TMEM272: variants seen among roughly 807,000 people sequenced by gnomAD.
TMEM272 encodes long intergenic non-protein coding RNA 282.
In TMEM272, 8 loss-of-function variants were observed where a neutral mutation model predicts 3.7. The ratio of observed to expected loss-of-function variants is 2.17; its 90% CI spans 1.27 to 3.91. The LOEUF (loss-of-function observed/expected upper bound fraction) is 3.91, where lower values mean the gene tolerates loss of function less well. TMEM272 is among the 30% of genes most tolerant of loss of function. TMEM272 has a pLI of 0.00. For missense variants in TMEM272, 166 were observed against 91.5 expected, an observed-to-expected ratio of 1.81 and a Z score of -3.32; for synonymous variants, 63 against 39.8, an observed-to-expected ratio of 1.58 and a Z score of -2.20.
the TMEM272 span, among the ~76,000 whole-genome samples, chr13:51,863,852 C>T: frequency 6.6e-6 from 1 of 152,330 alleles, no homozygotes; most frequent in Non-Finnish European, 1.5e-5. Flanking sequence ...CGGACCCTGG[C>T]AGCTTCCTCC....
chr13:51,907,998 T>C, the TMEM272 span, among the ~76,000 whole-genome samples: 2 of 152,120 alleles, frequency 1.3e-5, no homozygotes, highest in Non-Finnish European at 2.9e-5. Context: ...ATTAATCAAA[T>C]TAAAATAGTT....
the TMEM272 span, among the ~76,000 whole-genome samples, chr13:51,887,487 C>A: frequency 6.6e-6 from 1 of 152,130 alleles, no homozygotes; most frequent in Admixed American, 6.5e-5. Context: ...TTTTTCATTT[C>A]GAAAATGAAG....
At chr13:51,873,461 T>C in the TMEM272 span, among the ~76,000 whole-genome samples, 1 of 152,216 alleles carries the variant, frequency 6.6e-6, no homozygotes, top group Non-Finnish European at 1.5e-5. Flanking sequence ...ACACTAAAAA[T>C]TTTTAAAGTA....
chr13:51,873,482 C>T, the TMEM272 span, among the ~76,000 whole-genome samples: 1 of 152,204 alleles, frequency 6.6e-6, no homozygotes, highest in Non-Finnish European at 1.5e-5. Context: ...GTAAGATAAG[C>T]ATATTACTTA....
At chr13:51,832,102 C>T (rs896301324) in intron 2 of TMEM272, among the ~76,000 whole-genome samples, 1 of 152,162 alleles carries the variant, frequency 6.6e-6, no homozygotes, top group African/African-American at 2.4e-5. Flanking sequence ...GTGCCCTCCT[C>T]AGGGTGGCTT....
the TMEM272 span, among the ~76,000 whole-genome samples, chr13:51,895,403 G>A: frequency 1.3e-5 from 2 of 152,256 alleles, no homozygotes; most frequent in East Asian, 3.9e-4. Context: ...CTCACACTCG[G>A]TAGTAACTGC....
chr13:51,927,522 A>G, the TMEM272 span, among the ~76,000 whole-genome samples: 3 of 152,232 alleles, frequency 2.0e-5, no homozygotes, highest in Non-Finnish European at 4.4e-5. Flanking sequence ...AAAATGATCG[A>G]ATTACTGAAT....
chr13:51,869,698 C>T, the TMEM272 span, among the ~76,000 whole-genome samples: 1 of 152,046 alleles, frequency 6.6e-6, no homozygotes, highest in South Asian at 2.1e-4. Context: ...CCATGTTGTC[C>T]AGGCTGGTCT....
chr13:51,870,289 C>G, the TMEM272 span, among the ~76,000 whole-genome samples: 1 of 152,040 alleles, frequency 6.6e-6, no homozygotes, highest in Admixed American at 6.5e-5. Flanking sequence ...TTAACCAGAG[C>G]CATCCATTTT....
intron 4 of TMEM272, among the ~76,000 whole-genome samples, chr13:51,819,169 A>G (rs919729239): frequency 6.6e-6 from 1 of 152,282 alleles, no homozygotes; most frequent in East Asian, 1.9e-4. Context: ...TGGGACCCCT[A>G]TGCACAAGGA....
At chr13:51,928,024 A>G in the TMEM272 span, among the ~76,000 whole-genome samples, 232 of 152,148 alleles carry the variant, frequency 1.5e-3, no homozygotes, top group African/African-American at 5.0e-3. Flanking sequence ...CCTCCCCTAC[A>G]TTCCGTGGTC....
the TMEM272 span, among the ~76,000 whole-genome samples, chr13:51,889,092 C>A: frequency 8.5e-5 from 13 of 152,244 alleles, no homozygotes; most frequent in South Asian, 2.5e-3. Flanking sequence ...GTGATAAACA[C>A]CCTTGAACAC....
chr13:51,927,159 C>T, the TMEM272 span, among the ~76,000 whole-genome samples: 5 of 151,910 alleles, frequency 3.3e-5, no homozygotes, highest in African/African-American at 7.3e-5. Context: ...GCATTAATTC[C>T]GAACATTAAA....
At chr13:51,848,965 T>TA, upstream of TMEM272, among the ~76,000 whole-genome samples, 2 of 152,330 alleles carry the variant, frequency 1.3e-5, no homozygotes, top group Admixed American at 1.3e-4. Flanking sequence ...CGTTTCTATA[T>TA]TTACCATCTA....
At chr13:51,907,657 C>T in the TMEM272 span, among the ~76,000 whole-genome samples, 9 of 152,334 alleles carry the variant, frequency 5.9e-5, no homozygotes, top group African/African-American at 2.2e-4. Flanking sequence ...TCCATCACTC[C>T]TATCTTCTCG....
intron 1 of TMEM272, among the ~76,000 whole-genome samples, chr13:51,843,720 T>G (rs1956280742): frequency 6.6e-6 from 1 of 152,200 alleles, no homozygotes; most frequent in Admixed American, 6.5e-5. Flanking sequence ...AAGTCTATCC[T>G]TGGGCATGCT....
intron 1 of TMEM272, among the ~76,000 whole-genome samples, chr13:51,839,551 G>T (rs1453369898): frequency 6.6e-6 from 1 of 152,170 alleles, no homozygotes; most frequent in African/African-American, 2.4e-5. Flanking sequence ...GATTTAACAA[G>T]GTCCTTGTTC....
chr13:51,872,553 A>G, the TMEM272 span, among the ~76,000 whole-genome samples: 2,008 of 152,120 alleles, frequency 0.013, 37 homozygotes, highest in African/African-American at 0.045. Flanking sequence ...GAAAGGGCTC[A>G]TGAGTGCCCA....
At chr13:51,839,847 C>G (rs958712229) in intron 1 of TMEM272, among the ~76,000 whole-genome samples, 1 of 152,238 alleles carries the variant, frequency 6.6e-6, no homozygotes, top group Non-Finnish European at 1.5e-5. Flanking sequence ...TGCTAGCACA[C>G]AAGCACGGTG....
Sources: gnomAD v4.1 joint callset for allele counts (sites outside exome capture counted in the v4.1 genomes callset) on GRCh38, gnomAD v4.1.1 for gene constraint, MANE v1.5 for transcripts, NCBI Gene and HGNC (gene_info 2026-07-23, HGNC 2026-07-21) for gene names.